The following LAMA4 variants were observed in gnomAD, a reference collection of about 807,000 sequenced individuals.
LAMA4 encodes the protein laminin subunit alpha 4.
A neutral mutation model predicts 207.1 loss-of-function variants in LAMA4; 127 were observed. The observed-to-expected ratio is 0.61, with a 90% CI of 0.53 to 0.71. The LOEUF (loss-of-function observed/expected upper bound fraction) is 0.71, where lower values mean the gene tolerates loss of function less well. LAMA4 is among the 30% of genes least tolerant of loss of function. The probability of loss-of-function intolerance (pLI) is 0.00; values close to 1 mark genes in which losing one functional copy is unlikely to be tolerated. For synonymous variants in LAMA4, 761 were observed against 816.0 expected (o/e 0.93, Z 1.15); for missense variants, 2,093 against 2,246.5 (o/e 0.93, Z 1.38).
chr6:112,123,493 T>C (rs1554326674), intron 31 of LAMA4, among the ~76,000 whole-genome samples: 1 of 152,166 alleles, frequency 6.6e-6, no homozygotes, highest in East Asian at 1.9e-4. Flanking sequence ...TTCTGGAAGA[T>C]ATAAAGTAGA....
chr6:112,189,814 G>A (rs6901052), intron 6 of LAMA4, among the ~76,000 whole-genome samples: 35,765 of 152,048 alleles, frequency 0.24, 5,763 homozygotes, highest in African/African-American at 0.45. Context: ...TTTAGAAGAC[G>A]TGGGAGCCCA....
At chr6:112,188,105 C>T (rs1261259007) in intron 7 of LAMA4, among the ~76,000 whole-genome samples, 1 of 152,306 alleles carries the variant, frequency 6.6e-6, no homozygotes, top group East Asian at 1.9e-4. Context: ...GTGACACACT[C>T]ACAAGGATGG....
intron 17 of LAMA4, among the ~76,000 whole-genome samples, chr6:112,150,202 G>GACACACACACACACACACACACAC (rs68144829): frequency 7.0e-6 from 1 of 143,342 alleles, no homozygotes; most frequent in African/African-American, 2.6e-5. Flanking sequence ...CCCATTAAAA[G>GACACACACACACACACACACACAC]ACACACACAC....
intron 3 of LAMA4, among the ~76,000 whole-genome samples, chr6:112,210,218 T>A (rs76496225): frequency 6.7e-6 from 1 of 150,266 alleles, no homozygotes; most frequent in Non-Finnish European, 1.5e-5. Flanking sequence ...TTTTTTTTTT[T>A]AATCAAAAGA....
At chr6:112,119,377 T>C in intron 33 of LAMA4, 66 bp from the exon 34 acceptor site, 2 of 1,539,504 alleles carry the variant, frequency 1.3e-6, no homozygotes, top group Non-Finnish European at 1.8e-6. Flanking sequence ...AGGCTGTGTT[T>C]CCTCTTCTTC....
chr6:112,158,431 AC>A (rs1357602443), intron 14 of LAMA4: 6 of 379,146 alleles, frequency 1.6e-5, no homozygotes, highest in African/African-American at 6.2e-5. Flanking sequence ...TGGAACAGAC[AC>A]CCCCCTCTTC....
chr6:112,155,519 G>T (rs1554336698), intron 15 of LAMA4, 46 bp downstream of exon 15: 4 of 1,607,536 alleles, frequency 2.5e-6, no homozygotes, highest in Non-Finnish European at 3.4e-6. Context: ...AAACAGAAAA[G>T]CCAGTGGGAA....
At position 112,136,163 on chromosome 6, in the gene LAMA4, G is replaced by A. The variant is rs782447524; in HGVS notation, c.3374C>T (p.Thr1125Met). 1.2e-5 allele frequency: 19 copies of A among 1,612,274 alleles called. No individual in the cohort carries two copies. Among genetic ancestry groups the A allele is most frequent in the Non-Finnish European group, 1.4e-5 (17 of 1,178,816 alleles). ...ATCATTAATTTGAGCTTTCTTTAACGTATCTTCAAGATGCACAGGGCCACC... is the reference window on the plus strand; with the variant it reads ...ATCATTAATTTGAGCTTTCTTTAACATATCTTCAAGATGCACAGGGCCACC... ...FSGGPVHLEDTLKKAQINDAK... is the reference protein window; with the variant it reads ...FSGGPVHLEDMLKKAQINDAK... Residue 1125 changes from threonine (T) to methionine (M), a missense_variant, in exon 25 of 39, where the codon ACG (threonine) becomes ATG (methionine). Coordinates refer to ENST00000230538, the MANE Select transcript of LAMA4 (RefSeq NM_001105206.3).
rs1554324684 is a variant in LAMA4 at position 112,118,181 on chromosome 6, A to T, written c.4822-283T>A. The stretch of plus-strand genomic sequence containing the variant: ...TGCAGCTGTGGTTTTCAAACTGCAT[A>T]TTTAGAAGTATCCTAGTTTTCCCTC... On this transcript the variant is annotated intron_variant, in intron 34 of 38. Coordinates refer to ENST00000230538, the MANE Select transcript of LAMA4 (RefSeq NM_001105206.3). The surrounding 1 kb of genome is among the most constrained non-coding windows in gnomAD (Gnocchi z 4.6). Among the ~76,000 whole-genome samples, 4 of 152,318 alleles carry T rather than the reference A, an allele frequency of 2.6e-5. No homozygotes were observed. Among genetic ancestry groups the T allele is most frequent in the African/African-American group, 4.8e-5 (2 of 41,584 alleles).
intron 2 of LAMA4, chr6:112,217,827 C>T (rs570574443): frequency 3.4e-4 from 52 of 152,214 alleles, no homozygotes; most frequent in Admixed American, 1.2e-3. Context: ...TTAGTTTCCA[C>T]TAGAAAACAA....
At chr6:112,218,319 T>C (rs1386846345) in intron 2 of LAMA4, 2 of 152,218 alleles carry the variant, frequency 1.3e-5, no homozygotes, top group Admixed American at 6.5e-5. Flanking sequence ...AAAATAACTT[T>C]TGTGTTTTAG....
intron 2 of LAMA4, among the ~76,000 whole-genome samples, chr6:112,222,246 T>C (rs1784965000): frequency 6.6e-6 from 1 of 152,244 alleles, no homozygotes; most frequent in African/African-American, 2.4e-5. Flanking sequence ...TAGGCAAAGT[T>C]AATTTTTAGA....
rs182649776 is a variant in LAMA4 at position 112,111,099 on chromosome 6, G to A, written c.5327-1517C>T. On this transcript the variant is annotated intron_variant, in intron 38 of 38. Transcript: ENST00000230538. ...TTTGTGGCCCAGGCTAGAGTGCAGCGGTGTGATCTGTGCTCACTATAGTCT... is the reference window on the plus strand; with the variant it reads ...TTTGTGGCCCAGGCTAGAGTGCAGCAGTGTGATCTGTGCTCACTATAGTCT... Among the ~76,000 whole-genome samples, 228 of 152,134 alleles carry A rather than the reference G, an allele frequency of 1.5e-3. 1 individual carries two copies. Among genetic ancestry groups the A allele is most frequent in the Admixed American group, 0.014 (215 of 15,290 alleles).
chr6:112,230,510 G>T (rs1785497908), intron 2 of LAMA4, among the ~76,000 whole-genome samples: 1 of 152,212 alleles, frequency 6.6e-6, no homozygotes, highest in South Asian at 2.1e-4. Context: ...TAGAATGGTT[G>T]TGAGGATCAA....
At position 112,191,853 on chromosome 6, in the gene LAMA4, G is replaced by A; in HGVS notation, c.504-3C>T. ...TTCCATAGTAACCGGGAGCACATCT[G>A]AAGAGGAATATCACACATTTAAATA... On this transcript the variant is annotated splice_region_variant and splice_polypyrimidine_tract_variant and intron_variant, in intron 5 of 38. Coordinates refer to ENST00000230538, the MANE Select transcript of LAMA4 (RefSeq NM_001105206.3). 3 of 1,599,806 alleles carry A rather than the reference G, an allele frequency of 1.9e-6. No homozygotes were observed. The highest frequency in any genetic ancestry group is 2.6e-6 in the Non-Finnish European group (3 of 1,167,344).
chr6:112,192,560 T>G (rs1783180280), intron 5 of LAMA4, among the ~76,000 whole-genome samples: 1 of 152,222 alleles, frequency 6.6e-6, no homozygotes, highest in Non-Finnish European at 1.5e-5. Context: ...GTTTTAGATA[T>G]GCGCACCTAC....
chr6:112,201,318 C>T (rs1783733743), intron 5 of LAMA4, among the ~76,000 whole-genome samples: 1 of 152,216 alleles, frequency 6.6e-6, no homozygotes, highest in Non-Finnish European at 1.5e-5. Context: ...ACTACCAAAA[C>T]CATCTAGAGA....
chr6:112,158,534 G>T (rs929822511), intron 14 of LAMA4, among the ~76,000 whole-genome samples, 198 bp downstream of exon 14: 3 of 145,558 alleles, frequency 2.1e-5, no homozygotes, highest in Non-Finnish European at 3.0e-5. Flanking sequence ...TGGACTCTCA[G>T]ATGGAACAAC....
intron 9 of LAMA4, among the ~76,000 whole-genome samples, chr6:112,184,172 G>C (rs1782541528): frequency 6.6e-6 from 1 of 151,944 alleles, no homozygotes; most frequent in Admixed American, 6.6e-5. Flanking sequence ...ATCTCTTAAA[G>C]GGTTTGGGGT....
Sources: allele counts gnomAD v4.1 joint callset (sites outside exome capture counted in the v4.1 genomes callset), GRCh38; gene constraint gnomAD v4.1.1; non-coding constraint Gnocchi (gnomAD v3.1); transcripts MANE v1.5; gene names NCBI Gene and HGNC (gene_info 2026-07-23, HGNC 2026-07-21).